The following SHPK variants were observed in gnomAD, a reference collection of about 807,000 sequenced individuals.
The protein encoded by SHPK is carbohydrate kinase-like protein.
A neutral mutation model predicts 46.3 loss-of-function variants in SHPK; 51 were observed. The observed-to-expected ratio is 1.10, with a 90% CI of 0.88 to 1.39. The LOEUF (loss-of-function observed/expected upper bound fraction) is 1.39. SHPK is among the 40% of genes most tolerant of loss of function. SHPK has a pLI of 0.00. For synonymous variants in SHPK, 290 were observed against 273.9 expected (o/e 1.06, Z -0.58); for missense variants, 668 against 641.3 (o/e 1.04, Z -0.45).
rs1297639729 is a variant in SHPK, at chr17:3,636,154, C to G, written c.66G>C (p.Leu22=). 4 of 1,612,298 alleles carry G rather than the reference C, an allele frequency of 2.5e-6. No individual in the cohort carries two copies. In the South Asian group the frequency reaches 4.4e-5, roughly 18 times the overall value. ...LGTTSVKAAL[L]RAAPDDPSGF... ...CGGATGGGTCGTCGGGCGCGGCCCT[C>G]AGCAGAGCTGCCTTCACAGATGTGG... Residue 22 remains leucine, a synonymous_variant, in exon 1 of 7, where the codon CTG becomes CTC. Coordinates refer to ENST00000225519, the MANE Select transcript of SHPK (RefSeq NM_013276.4).
rs745937992 is a variant in SHPK at position 3,610,555 on chromosome 17, GCTGT to G, written c.*1_*4del. 1.9e-6 allele frequency: 3 copies of G among 1,588,228 alleles called. No homozygotes were observed. The highest frequency in any genetic ancestry group is 8.6e-7 in the Non-Finnish European group (1 of 1,161,918). On this transcript the variant is annotated 3_prime_UTR_variant, in exon 7 of 7. Coordinates refer to ENST00000225519, the MANE Select transcript of SHPK (RefSeq NM_013276.4). ...CAGCAGTCGTTTGGCGAAAGAGTTTGCTGTCTAAGATTCCTTCTGGTTGAGGTGT... is the reference window on the plus strand; with the variant it reads ...CAGCAGTCGTTTGGCGAAAGAGTTTGCTAAGATTCCTTCTGGTTGAGGTGT...
chr17:3,631,431 G>A (rs1028532205), intron 1 of SHPK, among the ~76,000 whole-genome samples: 8 of 143,840 alleles, frequency 5.6e-5, no homozygotes, highest in African/African-American at 2.0e-4. Flanking sequence ...CTTGTGGCTA[G>A]TCTGAATTGA....
intron 5 of SHPK, chr17:3,619,316 A>G: frequency 9.4e-7 from 1 of 1,067,016 alleles, no homozygotes; most frequent in Non-Finnish European, 1.4e-6. Context: ...TGATCAGTCC[A>G]CCACAGTTAC....
In SHPK at chr17:3,617,113, C is replaced by T. The variant is rs138253030; in HGVS notation, c.824-1576G>A. Among the ~76,000 whole-genome samples, 144 of 152,274 alleles carry T rather than the reference C, an allele frequency of 9.5e-4. 4 individuals carry two copies. The East Asian group carries it at 0.024, about 25-fold the overall frequency. ...TCTCGAACTCCTGGCCTCAAGTGAT[C>T]TGCCCACCTCAGCCTCCCAAAGTGC... On this transcript the variant is annotated intron_variant, in intron 5 of 6. Transcript: ENST00000225519.
chr17:3,621,973 CA>C (rs1333968238), intron 4 of SHPK, among the ~76,000 whole-genome samples: 1 of 147,876 alleles, frequency 6.8e-6, no homozygotes, highest in Non-Finnish European at 1.5e-5. Context: ...TTTTTTGAGA[CA>C]GGGTCTAGCT....
At chr17:3,622,535 G>A (rs2075409179) in intron 4 of SHPK, 12 of 969,920 alleles carry the variant, frequency 1.2e-5, no homozygotes, top group African/African-American at 3.5e-5. Context: ...ATGCTGGAAA[G>A]TCCTTTACCT....
intron 5 of SHPK, among the ~76,000 whole-genome samples, chr17:3,616,989 G>A (rs1040833541): frequency 2.7e-5 from 4 of 150,544 alleles, no homozygotes; most frequent in East Asian, 1.9e-4. Context: ...CACCTGCCTC[G>A]GCCTCCCAAA....
At chr17:3,621,697 G>T (rs1045685548) in intron 4 of SHPK, among the ~76,000 whole-genome samples, 2 of 146,758 alleles carry the variant, frequency 1.4e-5, no homozygotes, top group South Asian at 4.4e-4. Context: ...CTGTTGCCCA[G>T]GCTGGAGTGC....
chr17:3,632,207 G>A (rs572833511), intron 1 of SHPK, among the ~76,000 whole-genome samples: 6 of 152,190 alleles, frequency 3.9e-5, no homozygotes, highest in East Asian at 1.9e-4. Context: ...CGCCCGCCTC[G>A]GCCTCCCAAA....
chr17:3,615,588 C>CA (rs1320800798), intron 5 of SHPK, 51 bp from the exon 6 acceptor site: 1 of 1,543,704 alleles, frequency 6.5e-7, no homozygotes, highest in Admixed American at 1.7e-5. Flanking sequence ...ACTCAGAGGT[C>CA]ACAAGTCACA....
intron 6 of SHPK, among the ~76,000 whole-genome samples, chr17:3,613,545 T>C (rs1431526628): frequency 6.6e-6 from 1 of 152,088 alleles, no homozygotes; most frequent in Non-Finnish European, 1.5e-5. Context: ...ACTTTTGTAT[T>C]TTTAGTAGAG....
At chr17:3,616,044 G>C (rs956761780) in intron 5 of SHPK, among the ~76,000 whole-genome samples, 1 of 151,812 alleles carries the variant, frequency 6.6e-6, no homozygotes, top group African/African-American at 2.4e-5. Flanking sequence ...AGTAGAGATG[G>C]GGTTTCACCA....
Position 3,630,234 on chromosome 17 carries a change from T to G in SHPK, c.281A>C (p.His94Pro). The G allele has an allele frequency of 6.2e-7, 1 of 1,613,574 alleles. No individual in the cohort carries two copies. Among genetic ancestry groups the G allele is most frequent in the South Asian group, 1.1e-5 (1 of 91,064 alleles). Reference protein sequence around the residue: ...VVGIGVSGQMHGVVFWKTGQG... With the variant: ...VVGIGVSGQMPGVVFWKTGQG... ...GCCTGTTTTCCAAAACACGACTCCATGCATCTGGCCCGACACCCCGATGCC... is the reference window on the plus strand; with the variant it reads ...GCCTGTTTTCCAAAACACGACTCCAGGCATCTGGCCCGACACCCCGATGCC... Residue 94 changes from histidine (H) to proline (P), a missense_variant, in exon 2 of 7, where the codon CAT becomes CCT. His to Pro is a moderately conservative substitution (Grantham distance 77, BLOSUM62 -2). Transcript: ENST00000225519.
rs1454975726 is a variant in SHPK at position 3,621,262 on chromosome 17, GGAATA to G, written c.793_797del (p.Tyr265LeufsTer80). 6.2e-7 allele frequency: 1 copy of G among 1,613,556 alleles called. No homozygotes were observed. The highest frequency in any genetic ancestry group is 8.5e-7 in the Non-Finnish European group (1 of 1,179,818). ...CTGCATCTGTCCTCTGGGCCATGCAGGAATAGACAGAGGCCTGTAAATCACCCAAG... is the reference window on the plus strand; with the variant it reads ...CTGCATCTGTCCTCTGGGCCATGCAGGACAGAGGCCTGTAAATCACCCAAG... On this transcript the variant is annotated frameshift_variant, in exon 5 of 7. Transcript: ENST00000225519. LOFTEE classifies it high-confidence loss of function.
At chr17:3,611,638 G>A (rs1256728159) in intron 6 of SHPK, among the ~76,000 whole-genome samples, 4 of 152,052 alleles carry the variant, frequency 2.6e-5, no homozygotes, top group African/African-American at 9.7e-5. Flanking sequence ...AGAAATCCCA[G>A]GATCCAGGAC....
At position 3,614,614 on chromosome 17, in the gene SHPK, G is replaced by A. The variant is rs544208820; in HGVS notation, c.1024+723C>T. Among the ~76,000 whole-genome samples, 20 of 152,222 alleles carry A rather than the reference G, an allele frequency of 1.3e-4. No individual in the cohort carries two copies. The East Asian group carries it at 1.7e-3, about 13-fold the overall frequency. ...TATAATCCCAGCACTTTGGGAGGCC[G>A]AGGCGGGTGGATCACCTGAGGTCAG... On this transcript the variant is annotated intron_variant, in intron 6 of 6. Coordinates refer to ENST00000225519, the MANE Select transcript of SHPK (RefSeq NM_013276.4).
intron 4 of SHPK, 145 bp from the exon 5 acceptor site, chr17:3,621,557 C>T: frequency 1.5e-6 from 1 of 653,410 alleles, no homozygotes; most frequent in Non-Finnish European, 2.5e-6. Flanking sequence ...TCTCTTTACT[C>T]CTTCCCTCTT....
In SHPK at chr17:3,610,594, A is replaced by G. The variant is rs758116769; in HGVS notation, c.1403T>C (p.Met468Thr). ...CTTCTGGTTGAGGTGTCTCCGGAGC[A>G]TGACCAGAGCTGCCCCGACAGCTGC... ...VDAAVGAALV[M>T]LRRHLNQKES The change falls in exon 7 of 7, where the codon ATG becomes ACG. Residue 468 changes from methionine to threonine, a missense_variant. Coordinates refer to ENST00000225519, the MANE Select transcript of SHPK (RefSeq NM_013276.4). 2.9e-5 allele frequency: 46 copies of G among 1,610,184 alleles called. No homozygotes were observed. Among genetic ancestry groups the G allele is most frequent in the Non-Finnish European group, 3.9e-5 (46 of 1,176,882 alleles).
At chr17:3,636,017 C>T in intron 1 of SHPK, 35 bp downstream of exon 1, 1 of 1,510,038 alleles carries the variant, frequency 6.6e-7, no homozygotes, top group South Asian at 1.3e-5. Flanking sequence ...TCAGGAGGCT[C>T]CTGGAGGCGG....
Sources: allele counts gnomAD v4.1 joint callset (sites outside exome capture counted in the v4.1 genomes callset), GRCh38; gene constraint gnomAD v4.1.1; transcripts MANE v1.5; gene names NCBI Gene and HGNC (gene_info 2026-07-23, HGNC 2026-07-21).